The following ERMARD variants were observed in gnomAD, a reference collection of about 807,000 sequenced individuals.
ERMARD encodes ER membrane associated RNA degradation, also known as endoplasmic reticulum membrane-associated RNA degradation protein.
A neutral mutation model predicts 83.9 loss-of-function variants in ERMARD; 71 were observed. That is an observed-to-expected ratio of 0.85 (90% CI 0.70 to 1.03). ERMARD has a LOEUF of 1.03. ERMARD is among the 50% of genes least tolerant of loss of function. ERMARD has a pLI of 0.00. For missense variants in ERMARD, 838 were observed against 810.9 expected, an observed-to-expected ratio of 1.03 and a Z score of -0.41; for synonymous variants, 284 against 298.6, an observed-to-expected ratio of 0.95 and a Z score of 0.50.
intron 9 of ERMARD, among the ~76,000 whole-genome samples, chr6:169,765,000 T>A (rs1792022197): frequency 6.6e-6 from 1 of 152,260 alleles, no homozygotes; most frequent in Admixed American, 6.5e-5. Flanking sequence ...GAGGCAGGCC[T>A]ACACGTTGCT....
intron 3 of ERMARD, 23 bp from the exon 4 acceptor site, chr6:169,756,315 A>C: frequency 6.9e-7 from 1 of 1,454,834 alleles, no homozygotes; most frequent in Non-Finnish European, 9.6e-7. Context: ...TGTACATCCT[A>C]ATATGTGTTT....
chr6:169,760,842 G>A (rs1791461098), intron 8 of ERMARD, 86 bp downstream of exon 8: 11 of 922,204 alleles, frequency 1.2e-5, no homozygotes, highest in Middle Eastern at 4.4e-4. Flanking sequence ...GCTTTTTGCT[G>A]TTGGAGTAGA....
rs74451194 is a variant in ERMARD, at chr6:169,759,023, T to C, written c.563T>C (p.Val188Ala). The change falls in exon 6 of 18, where the codon GTC becomes GCC. Residue 188 changes from valine to alanine, a missense_variant. Physicochemically the swap from Val to Ala is moderately conservative, Grantham distance 64. Coordinates refer to ENST00000366773, the MANE Select transcript of ERMARD (RefSeq NM_018341.3). ...GSPCGLNLRN[V>A]LWHGFASPEE... ...CCGTGTGGTCTCAACCTGCGTAACG[T>C]CTTATGGCATGGGTTTGCGTCACCT... 9.4e-5 allele frequency: 152 copies of C among 1,614,036 alleles called. No individual in the cohort carries two copies. The African/African-American group carries it at 1.8e-3, about 19-fold the overall frequency.
intron 3 of ERMARD, 178 bp downstream of exon 3, chr6:169,755,600 A>T: frequency 1.5e-6 from 1 of 668,288 alleles, no homozygotes; most frequent in Non-Finnish European, 2.4e-6. Flanking sequence ...TGAGCTGAGA[A>T]ACATGCCCCT....
intron 2 of ERMARD, 100 bp downstream of exon 2, chr6:169,754,132 A>G (rs772495258): frequency 1.6e-5 from 18 of 1,141,128 alleles, no homozygotes; most frequent in Non-Finnish European, 2.2e-5. Flanking sequence ...CTTTTGTTAG[A>G]TAATGTTATA....
At chr6:169,769,011 A>G (rs765458446) in intron 11 of ERMARD, among the ~76,000 whole-genome samples, 9 of 152,244 alleles carry the variant, frequency 5.9e-5, no homozygotes, top group Non-Finnish European at 8.8e-5. Context: ...ATCAAAAAAT[A>G]AGATGATTGA....
At chr6:169,756,687 C>G (rs1178317375) in intron 4 of ERMARD, 32 bp from the exon 5 acceptor site, 1 of 1,573,036 alleles carries the variant, frequency 6.4e-7, no homozygotes, top group Non-Finnish European at 8.7e-7. Flanking sequence ...GCTCATAATA[C>G]AACTGTTACA....
intron 10 of ERMARD, chr6:169,767,780 C>CACACACACAG: frequency 2.8e-6 from 1 of 351,748 alleles, no homozygotes; most frequent in African/African-American, 2.1e-5. Context: ...CACACACACA[C>CACACACACAG]AGGCACAGTT....
chr6:169,770,009 C>G (rs555162499), intron 12 of ERMARD, among the ~76,000 whole-genome samples: 7 of 152,242 alleles, frequency 4.6e-5, no homozygotes, highest in African/African-American at 1.4e-4. Flanking sequence ...ACAGGATTAA[C>G]CAAATATTAG....
chr6:169,756,762 A>T lies in ERMARD; in HGVS notation c.461A>T (p.Asp154Val). 1 of 1,614,038 alleles carries T rather than the reference A, an allele frequency of 6.2e-7. No individual in the cohort carries two copies. Among genetic ancestry groups the T allele is most frequent in the Non-Finnish European group, 8.5e-7 (1 of 1,180,018 alleles). Residue 154 changes from aspartate to valine, a missense_variant, in exon 5 of 18, where the codon GAT (aspartate) becomes GTT (valine). Transcript: ENST00000366773. Reference sequence around the variant, plus strand: ...AAGGAATGCCCCTTTCTTTTAAGAGATCTGCTTTCATCTGAGGAGCTTGCT... The same window carrying T: ...AAGGAATGCCCCTTTCTTTTAAGAGTTCTGCTTTCATCTGAGGAGCTTGCT... ...IGKECPFLLRDLLSSEELAQV... is the reference protein window; with the variant it reads ...IGKECPFLLRVLLSSEELAQV...
chr6:169,755,172 T>C lies in ERMARD; in HGVS notation c.176-111T>C, dbSNP rs1790637046. 5 of 1,282,736 alleles carry C rather than the reference T, an allele frequency of 3.9e-6. No individual in the cohort carries two copies. In the South Asian group the frequency reaches 4.5e-5, roughly 12 times the overall value. 79.5% of individuals were successfully genotyped at this position (1,282,736 alleles called of 1,614,324 possible). A position where few individuals can be genotyped will look rare whatever the true frequency, so the allele number is the denominator to read the frequency against. On this transcript the variant is annotated intron_variant, in intron 2 of 17. Transcript: ENST00000366773. ...ATATGTTCAATGGTAAGCTAATTGT[T>C]GATTTTGTGGAAATTTTATAATTAA...
At chr6:169,770,184 G>A (rs574788033) in intron 12 of ERMARD, among the ~76,000 whole-genome samples, 27 of 152,078 alleles carry the variant, frequency 1.8e-4, no homozygotes, top group Non-Finnish European at 3.4e-4. Flanking sequence ...TTGTTTAAAT[G>A]TTCAAACAAA....
chr6:169,757,430 A>G (rs1033771557), intron 5 of ERMARD, among the ~76,000 whole-genome samples: 5 of 152,206 alleles, frequency 3.3e-5, no homozygotes. Flanking sequence ...ATTAATAACT[A>G]TAATACTAAA....
chr6:169,753,385 C>G (rs1012653914), intron 1 of ERMARD: 1 of 154,298 alleles, frequency 6.5e-6, no homozygotes, highest in Non-Finnish European at 1.5e-5. Context: ...ACGTGGGGTT[C>G]TTTTTCCTTC....
rs1428587956 is a variant in ERMARD, at chr6:169,755,294, GATTACTGGGGA to G, written c.189_199del (p.Asp63GlufsTer10). The G allele has an allele frequency of 3.1e-6, 5 of 1,613,900 alleles. No individual in the cohort carries two copies. The highest frequency in any genetic ancestry group is 4.2e-6 in the Non-Finnish European group (5 of 1,179,966). ...TCTTATCCTTTAAGAGCAGGGTCTG[GATTACTGGGGA>G]AGCGTGAGGCTGCTGGGCCCTGTGT... On this transcript the variant is annotated frameshift_variant, in exon 3 of 18. Transcript: ENST00000366773. LOFTEE classifies it high-confidence loss of function.
chr6:169,775,365 C>G lies in ERMARD; in HGVS notation c.1394+19C>G. On this transcript the variant is annotated intron_variant, in intron 14 of 17. Transcript: ENST00000366773. ...CCGTCAGGTGCGTGGCATCCTGGGG[C>G]CTGGCTGACCTCAAGCTTGTCTGGT... 1 of 1,613,358 alleles carries G rather than the reference C, an allele frequency of 6.2e-7. No individual in the cohort carries two copies. Among genetic ancestry groups the G allele is most frequent in the East Asian group, 2.2e-5 (1 of 44,888 alleles).
intron 5 of ERMARD, among the ~76,000 whole-genome samples, chr6:169,757,747 CTG>C: frequency 6.6e-6 from 1 of 152,326 alleles, no homozygotes; most frequent in Middle Eastern, 3.4e-3. Context: ...GTAAAGAAAT[CTG>C]TCTTCAGTGG....
intron 17 of ERMARD, among the ~76,000 whole-genome samples, chr6:169,779,837 C>A (rs769354321): frequency 6.6e-6 from 1 of 152,166 alleles, no homozygotes; most frequent in East Asian, 1.9e-4. Context: ...AGGACCATCC[C>A]GATCTAGGAG....
Position 169,755,398 on chromosome 6 carries a change from G to C in ERMARD, c.291G>C (p.Trp97Cys). 5.6e-6 allele frequency: 9 copies of C among 1,614,108 alleles called. No individual in the cohort carries two copies. Among genetic ancestry groups the C allele is most frequent in the Non-Finnish European group, 7.6e-6 (9 of 1,180,022 alleles). Residue 97 changes from tryptophan (W) to cysteine (C), a missense_variant, in exon 3 of 18, where the codon TGG (tryptophan) becomes TGC (cysteine). Physicochemically the swap from Trp to Cys is radical, Grantham distance 215. Transcript: ENST00000366773. ...AATTTGAAATTCGATATGCACCGTG[G>C]TTCCAGTGGACAAGTTTTCCAGAGG... ...KGQFEIRYAP[W>C]FQWTSFPELF...
Sources: allele counts gnomAD v4.1 joint callset (sites outside exome capture counted in the v4.1 genomes callset), GRCh38; gene constraint gnomAD v4.1.1; transcripts MANE v1.5; gene names NCBI Gene and HGNC (gene_info 2026-07-23, HGNC 2026-07-21).